Variants in CCDC178 observed in about 807,000 individuals in gnomAD.
The protein encoded by CCDC178 is coiled-coil domain containing 178, also known as coiled-coil domain-containing protein 178.
In CCDC178, 126 loss-of-function variants were observed where a neutral mutation model predicts 117.4. The ratio of observed to expected loss-of-function variants is 1.07; its 90% confidence interval spans 0.93 to 1.24. The LOEUF (loss-of-function observed/expected upper bound fraction) is 1.24, where lower values mean the gene tolerates loss of function less well. Among genes scored for constraint, CCDC178 ranks in the 50% most tolerant of loss-of-function variants. The pLI is 0.00. For missense variants in CCDC178, 1,030 were observed against 986.9 expected, an observed-to-expected ratio of 1.04 and a Z score of -0.59; for synonymous variants, 283 against 313.4, an observed-to-expected ratio of 0.90 and a Z score of 1.02.
chr18:33,003,734 T>C (rs1175799646), intron 21 of CCDC178, among the ~76,000 whole-genome samples: 1 of 152,004 alleles, frequency 6.6e-6, no homozygotes, highest in African/African-American at 2.4e-5. Context: ...AAGGAAGAAG[T>C]GAATTGTTCT....
At chr18:33,301,464 C>T (rs1392861001) in intron 11 of CCDC178, among the ~76,000 whole-genome samples, 4 of 152,212 alleles carry the variant, frequency 2.6e-5, no homozygotes, top group East Asian at 3.9e-4. Context: ...TACCCTTCAG[C>T]CCCCAGAATG....
chr18:33,213,622 G>A (rs910713751), intron 19 of CCDC178, among the ~76,000 whole-genome samples: 1 of 151,840 alleles, frequency 6.6e-6, no homozygotes, highest in Non-Finnish European at 1.5e-5. Context: ...ATTAATTATA[G>A]CATTGTATTA....
At chr18:32,993,038 A>G (rs996768544) in intron 21 of CCDC178, among the ~76,000 whole-genome samples, 1 of 151,994 alleles carries the variant, frequency 6.6e-6, no homozygotes, top group African/African-American at 2.4e-5. Context: ...TGGTGGCGCA[A>G]ACCTGTAATC....
At chr18:33,258,385 T>A (rs934732136) in intron 14 of CCDC178, among the ~76,000 whole-genome samples, 3 of 152,150 alleles carry the variant, frequency 2.0e-5, no homozygotes, top group Non-Finnish European at 4.4e-5. Flanking sequence ...TGGAATTCTC[T>A]TCCTCAGACG....
intron 21 of CCDC178, among the ~76,000 whole-genome samples, chr18:33,031,878 A>C (rs1368341760): frequency 6.6e-6 from 1 of 152,172 alleles, no homozygotes; most frequent in Non-Finnish European, 1.5e-5. Flanking sequence ...ATTTATTCAC[A>C]CAATATATAG....
At chr18:32,964,008 A>C (rs2144667298) in intron 22 of CCDC178, among the ~76,000 whole-genome samples, 1 of 152,174 alleles carries the variant, frequency 6.6e-6, no homozygotes, top group East Asian at 1.9e-4. Context: ...ATGTTATGGT[A>C]ATTTACATTT....
chr18:33,318,869 G>C (rs1599154070), intron 11 of CCDC178, among the ~76,000 whole-genome samples: 1 of 151,948 alleles, frequency 6.6e-6, no homozygotes, highest in African/African-American at 2.4e-5. Context: ...AAAATTAATA[G>C]ATTATGAAAT....
intron 14 of CCDC178, among the ~76,000 whole-genome samples, chr18:33,245,981 T>C (rs1378527680): frequency 2.0e-5 from 3 of 151,840 alleles, no homozygotes; most frequent in Non-Finnish European, 2.9e-5. Context: ...CTCCAGCCAC[T>C]GCCAAAAATC....
chr18:32,980,194 ATTTT>A (rs2055119842), intron 21 of CCDC178, among the ~76,000 whole-genome samples: 2 of 152,134 alleles, frequency 1.3e-5, no homozygotes, highest in African/African-American at 2.4e-5. Flanking sequence ...ACCACATTTA[ATTTT>A]TTTAAGTTAA....
chr18:33,216,976 T>C (rs544944988), intron 18 of CCDC178, among the ~76,000 whole-genome samples: 3 of 152,114 alleles, frequency 2.0e-5, no homozygotes, highest in South Asian at 2.1e-4. Context: ...TAGATCAGAT[T>C]TCATCATTCA....
At chr18:33,298,742 C>A (rs2062139162) in intron 11 of CCDC178, among the ~76,000 whole-genome samples, 1 of 152,108 alleles carries the variant, frequency 6.6e-6, no homozygotes, top group South Asian at 2.1e-4. Context: ...AACCTGAAGA[C>A]TCTACCAAAA....
intron 6 of CCDC178, among the ~76,000 whole-genome samples, chr18:33,364,149 C>G (rs2063168224): frequency 6.6e-6 from 1 of 152,074 alleles, no homozygotes; most frequent in South Asian, 2.1e-4. Context: ...ATGATTGGTC[C>G]CAGGCAAGAA....
intron 20 of CCDC178, among the ~76,000 whole-genome samples, chr18:33,124,010 AC>A (rs1332723430): frequency 6.6e-6 from 1 of 152,176 alleles, no homozygotes; most frequent in Non-Finnish European, 1.5e-5. Flanking sequence ...GATGAGTTTA[AC>A]CCAGCAGAAA....
intron 20 of CCDC178, among the ~76,000 whole-genome samples, chr18:33,128,062 G>C (rs1317887131): frequency 6.6e-6 from 1 of 152,168 alleles, no homozygotes; most frequent in Non-Finnish European, 1.5e-5. Flanking sequence ...CTCTCATTAA[G>C]TCTGTTTCTA....
chr18:33,094,063 A>G (rs553685307), intron 20 of CCDC178, among the ~76,000 whole-genome samples: 1 of 152,166 alleles, frequency 6.6e-6, no homozygotes, highest in Non-Finnish European at 1.5e-5. Context: ...GCCTGTACAA[A>G]TATTTCTGTA....
chr18:33,274,952 T>C lies in CCDC178; in HGVS notation c.1177-7655A>G, dbSNP rs116774128. 7.3e-3 allele frequency among the ~76,000 whole-genome samples: 1,115 copies of C among 152,208 alleles called. 9 individuals carry two copies. The highest frequency in any genetic ancestry group is 0.026 in the African/African-American group (1,064 of 41,554). ...GCCCTGGCCTAAGTAATAAGATCCA[T>C]GGAGTCACTAGTATTATGTCCTTAT... On this transcript the variant is annotated intron_variant, in intron 12 of 22. Coordinates refer to ENST00000383096, the MANE Select transcript of CCDC178 (RefSeq NM_001105528.4).
chr18:33,144,599 T>A (rs1050597414), intron 20 of CCDC178, among the ~76,000 whole-genome samples: 1 of 152,156 alleles, frequency 6.6e-6, no homozygotes, highest in Non-Finnish European at 1.5e-5. Flanking sequence ...CTAAACTATA[T>A]GCTTGTTCCC....
intron 20 of CCDC178, among the ~76,000 whole-genome samples, chr18:33,119,488 C>T (rs2057905700): frequency 6.6e-6 from 1 of 152,132 alleles, no homozygotes; most frequent in African/African-American, 2.4e-5. Context: ...CAGTGAGATA[C>T]CATCTCACGT....
chr18:33,257,041 T>G (rs1219472024), intron 14 of CCDC178, among the ~76,000 whole-genome samples: 1 of 152,122 alleles, frequency 6.6e-6, no homozygotes, highest in Non-Finnish European at 1.5e-5. Context: ...TAACTTCAAT[T>G]CATGTTGGAA....
Sources: gnomAD v4.1 joint callset for allele counts (sites outside exome capture counted in the v4.1 genomes callset) on GRCh38, gnomAD v4.1.1 for gene constraint, MANE v1.5 for transcripts, NCBI Gene and HGNC (gene_info 2026-07-23, HGNC 2026-07-21) for gene names.